Variants in LPP observed in about 807,000 individuals in gnomAD.
The protein encoded by LPP is lipoma-preferred partner.
LPP carries 38 observed loss-of-function variants against 60.4 expected under a neutral mutation model. The observed-to-expected ratio is 0.63, with a 90% CI of 0.49 to 0.83. The LOEUF is 0.83. Among genes scored for constraint, LPP ranks in the 40% least tolerant of loss-of-function variants. The probability of loss-of-function intolerance (pLI) is 0.00; values close to 1 mark genes in which losing one functional copy is unlikely to be tolerated. For synonymous variants in LPP, 328 were observed against 290.8 expected, an observed-to-expected ratio of 1.13 and a Z score of -1.30; for missense variants, 902 against 783.6, an observed-to-expected ratio of 1.15 and a Z score of -1.80.
At chr3:188,452,019 T>C (rs1796707211) in intron 4 of LPP, among the ~76,000 whole-genome samples, 1 of 152,090 alleles carries the variant, frequency 6.6e-6, no homozygotes. Flanking sequence ...TCTCCCTTGG[T>C]TTGTTTTTTT....
intron 9 of LPP, among the ~76,000 whole-genome samples, chr3:188,797,412 T>A (rs1251010711): frequency 6.6e-6 from 1 of 152,234 alleles, no homozygotes; most frequent in Non-Finnish European, 1.5e-5. Context: ...ATCCTGCCCA[T>A]GCTGCCTAAT....
At chr3:188,208,754 A>AAC (rs1472925265) in intron 1 of LPP, among the ~76,000 whole-genome samples, 2 of 152,198 alleles carry the variant, frequency 1.3e-5, no homozygotes, top group African/African-American at 2.4e-5. Context: ...TGGAGTTTGA[A>AAC]AATCTGACAG....
At chr3:188,777,973 T>C (rs1486533978) in intron 9 of LPP, among the ~76,000 whole-genome samples, 1 of 152,216 alleles carries the variant, frequency 6.6e-6, no homozygotes, top group Non-Finnish European at 1.5e-5. Flanking sequence ...TGTGCTTGTA[T>C]AGATTGTCCC....
At chr3:188,654,831 T>C (rs1312512202) in intron 7 of LPP, among the ~76,000 whole-genome samples, 1 of 152,194 alleles carries the variant, frequency 6.6e-6, no homozygotes, top group Non-Finnish European at 1.5e-5. Flanking sequence ...GCAGTGTCTT[T>C]AGTGAGTCAG....
At chr3:188,717,974 T>C (rs1185405191) in intron 8 of LPP, among the ~76,000 whole-genome samples, 1 of 152,158 alleles carries the variant, frequency 6.6e-6, no homozygotes, top group Non-Finnish European at 1.5e-5. Context: ...TATGCCAGCA[T>C]GCCAGGCTAA....
At chr3:188,344,804 A>G (rs1004031051) in intron 3 of LPP, among the ~76,000 whole-genome samples, 1 of 152,200 alleles carries the variant, frequency 6.6e-6, no homozygotes. Flanking sequence ...GCAACTTGCA[A>G]TTCCTTGTTA....
At chr3:188,816,209 T>G (rs1752441073) in intron 9 of LPP, among the ~76,000 whole-genome samples, 1 of 146,090 alleles carries the variant, frequency 6.8e-6, no homozygotes, top group African/African-American at 2.5e-5. Flanking sequence ...TTTTTTTTTT[T>G]TTTTTTTTTT....
At chr3:188,800,927 T>A (rs1210033451) in intron 9 of LPP, among the ~76,000 whole-genome samples, 1 of 152,212 alleles carries the variant, frequency 6.6e-6, no homozygotes, top group Non-Finnish European at 1.5e-5. Context: ...TTGGTAGTTA[T>A]ATGAGTTTTA....
chr3:188,197,964 C>A (rs1324480294), intron 1 of LPP, among the ~76,000 whole-genome samples: 2 of 152,200 alleles, frequency 1.3e-5, no homozygotes, highest in Admixed American at 6.5e-5. Flanking sequence ...TCGCCCCTAC[C>A]TTTGACCTTG....
intron 7 of LPP, among the ~76,000 whole-genome samples, chr3:188,613,618 C>A (rs886160786): frequency 6.6e-6 from 1 of 152,088 alleles, no homozygotes; most frequent in Non-Finnish European, 1.5e-5. Context: ...TTAAAATTTT[C>A]TTGGAAAATA....
intron 4 of LPP, among the ~76,000 whole-genome samples, chr3:188,445,839 T>TC (rs1795103991): frequency 2.0e-5 from 3 of 152,154 alleles, no homozygotes; most frequent in Non-Finnish European, 4.4e-5. Flanking sequence ...CACACACATC[T>TC]CCAACATATG....
intron 6 of LPP, among the ~76,000 whole-genome samples, chr3:188,604,585 C>T (rs1842050331): frequency 6.6e-6 from 1 of 152,076 alleles, no homozygotes; most frequent in South Asian, 2.1e-4. Context: ...GCACACATTA[C>T]ATATTTTACA....
chr3:188,270,839 G>A (rs1299265263), intron 2 of LPP, among the ~76,000 whole-genome samples: 1 of 152,164 alleles, frequency 6.6e-6, no homozygotes, highest in African/African-American at 2.4e-5. Context: ...TTAAGTCAAT[G>A]CTGGCATGGG....
At chr3:188,275,630 C>A (rs1306139134) in intron 2 of LPP, among the ~76,000 whole-genome samples, 2 of 152,138 alleles carry the variant, frequency 1.3e-5, no homozygotes, top group South Asian at 4.1e-4. Context: ...TCCAGTCTAA[C>A]TGGGCATCAT....
chr3:188,673,648 G>A (rs1190601689), intron 7 of LPP, among the ~76,000 whole-genome samples: 1 of 152,074 alleles, frequency 6.6e-6, no homozygotes, highest in Admixed American at 6.5e-5. Flanking sequence ...CTGAAGCTAT[G>A]ATTCTGGATA....
chr3:188,587,059 T>TCTA (rs376126125), intron 6 of LPP, among the ~76,000 whole-genome samples: 11,989 of 28,290 alleles, frequency 0.42, 5,622 homozygotes, highest in Non-Finnish European at 0.64. Flanking sequence ...AAGTTGGCGC[T>TCTA]CTGGCCGGGC....
intron 2 of LPP, among the ~76,000 whole-genome samples, chr3:188,262,554 G>T (rs2149699007): frequency 6.6e-6 from 1 of 152,016 alleles, no homozygotes; most frequent in East Asian, 1.9e-4. Flanking sequence ...GTTTTTAAAG[G>T]ATTCAAGATT....
chr3:188,384,745 G>A (rs1363390345), intron 3 of LPP, among the ~76,000 whole-genome samples: 1 of 138,276 alleles, frequency 7.2e-6, no homozygotes, highest in Non-Finnish European at 1.5e-5. Flanking sequence ...AGCTGAGATT[G>A]CGTCACTGCA....
intron 2 of LPP, among the ~76,000 whole-genome samples, chr3:188,304,644 G>A (rs1255614598): frequency 6.6e-6 from 1 of 152,162 alleles, no homozygotes; most frequent in African/African-American, 2.4e-5. Flanking sequence ...TCCCTGGAGA[G>A]CTTAACATAT....
Sources: allele counts gnomAD v4.1 joint callset (sites outside exome capture counted in the v4.1 genomes callset), GRCh38; gene constraint gnomAD v4.1.1; transcripts MANE v1.5; gene names NCBI Gene and HGNC (gene_info 2026-07-23, HGNC 2026-07-21).